The following ADGRL4 variants were observed in gnomAD, a reference collection of about 807,000 sequenced individuals.
The protein encoded by ADGRL4 is adhesion G protein-coupled receptor L4, also known as EGF, latrophilin and seven transmembrane domain containing 1.
A neutral mutation model predicts 74.8 loss-of-function variants in ADGRL4; 90 were observed. The ratio of observed to expected loss-of-function variants is 1.20; its 90% CI spans 1.02 to 1.43. The LOEUF is 1.43. Ranked by LOEUF, ADGRL4 falls within the 40% of genes most tolerant of loss-of-function variation. ADGRL4 has a pLI of 0.00. For synonymous variants in ADGRL4, 311 were observed against 279.2 expected (o/e 1.11, Z -1.14); for missense variants, 881 against 814.3 (o/e 1.08, Z -1.00).
chr1:78,972,521 CTT>C (rs934121678), intron 2 of ADGRL4, among the ~76,000 whole-genome samples: 1 of 152,106 alleles, frequency 6.6e-6, no homozygotes, highest in African/African-American at 2.4e-5. Flanking sequence ...TGTAACAACT[CTT>C]TATAATTTAA....
rs1649004337 is a variant in ADGRL4, at chr1:78,921,718, C to A, written c.1152G>T (p.Trp384Cys). The A allele has an allele frequency of 6.2e-7, 1 of 1,603,574 alleles. No homozygotes were observed. Among genetic ancestry groups the A allele is most frequent in the Admixed American group, 1.7e-5 (1 of 58,584 alleles). Residue 384 changes from tryptophan to cysteine, a missense_variant, in exon 9 of 15, where the codon TGG (tryptophan) becomes TGT (cysteine). By Grantham distance (215) the Trp-to-Cys change is radical (BLOSUM62 -2). Coordinates refer to ENST00000370742, the MANE Select transcript of ADGRL4 (RefSeq NM_022159.4). ...NYSPDTMNGS[W>C]SSEGCELTYS... ...ATGTCAGCTCACAGCCCTCTGAAGA[C>A]CAGCTGCCATTCATGGTATCAGGTG...
At chr1:78,989,624 G>A (rs1338475748) in intron 2 of ADGRL4, among the ~76,000 whole-genome samples, 2 of 151,756 alleles carry the variant, frequency 1.3e-5, no homozygotes, top group African/African-American at 2.4e-5. Flanking sequence ...AAAAGCAGAA[G>A]AGCATCTTGT....
intron 2 of ADGRL4, among the ~76,000 whole-genome samples, chr1:78,948,700 A>G (rs1649662993): frequency 6.6e-6 from 1 of 152,146 alleles, no homozygotes; most frequent in Admixed American, 6.6e-5. Context: ...GTAGATATGT[A>G]TGTCTATGAA....
Position 78,946,307 on chromosome 1 carries a change from T to C in ADGRL4, c.292A>G (p.Arg98Gly). The change falls in exon 3 of 15, where the codon AGG becomes GGG. Residue 98 changes from arginine (R) to glycine (G), a missense_variant. Transcript: ENST00000370742. ...ACGGTTCCATCATTAGTGATAAACC[T>C]GTCTTGGTTACTGCTGGATCTGAAG... ...PGFRSSSNQD[R>G]FITNDGTVCI... 2 of 1,612,988 alleles carry C rather than the reference T, an allele frequency of 1.2e-6. No homozygotes were observed. Among genetic ancestry groups the C allele is most frequent in the Non-Finnish European group, 1.7e-6 (2 of 1,179,470 alleles).
Position 78,965,630 on chromosome 1 carries a change from C to G in ADGRL4, c.173-19204G>C, listed in dbSNP as rs146779542. 4.6e-5 allele frequency among the ~76,000 whole-genome samples: 7 copies of G among 152,266 alleles called. No individual in the cohort carries two copies. In the East Asian group the frequency reaches 7.7e-4, roughly 17 times the overall value. On this transcript the variant is annotated intron_variant, in intron 2 of 14. Transcript: ENST00000370742. ...CAAGAGATTGTAAGTGTTAAACTCT[C>G]CTGTATCCATTTTTACCAATCTTTT...
chr1:78,975,966 T>A (rs971521170), intron 2 of ADGRL4, among the ~76,000 whole-genome samples: 1 of 151,886 alleles, frequency 6.6e-6, no homozygotes, highest in Non-Finnish European at 1.5e-5. Context: ...ACAACAGTCA[T>A]CAAAAAACAG....
chr1:78,961,883 CTT>C (rs775816289), intron 2 of ADGRL4, among the ~76,000 whole-genome samples: 35 of 138,452 alleles, frequency 2.5e-4, no homozygotes, highest in Non-Finnish European at 2.5e-4. Context: ...GGCTATAATT[CTT>C]TTTTTTTTTT....
chr1:78,924,179 G>A (rs1570231562), intron 8 of ADGRL4, among the ~76,000 whole-genome samples: 1 of 151,906 alleles, frequency 6.6e-6, no homozygotes, highest in Non-Finnish European at 1.5e-5. Context: ...AAAGACATAT[G>A]AACGAGATCT....
chr1:79,004,970 G>A lies in ADGRL4; in HGVS notation c.172+100C>T, dbSNP rs12076239. 8.3e-4 allele frequency: 956 copies of A among 1,148,930 alleles called. 10 individuals are homozygous for A. In the East Asian group the frequency reaches 0.017, roughly 21 times the overall value. 71.2% of individuals were successfully genotyped at this position (1,148,930 alleles called of 1,614,324 possible). A position where few individuals can be genotyped will look rare whatever the true frequency, so the allele number is the denominator to read the frequency against. On this transcript the variant is annotated intron_variant, in intron 2 of 14. Transcript: ENST00000370742. ...TTTTTAAATAGTATGAAATTAAACAGTATAACACAAAACAAGTTAGTTTCT... is the reference window on the plus strand; with the variant it reads ...TTTTTAAATAGTATGAAATTAAACAATATAACACAAAACAAGTTAGTTTCT...
intron 12 of ADGRL4, among the ~76,000 whole-genome samples, chr1:78,916,233 C>G (rs1648870145): frequency 6.6e-6 from 1 of 151,794 alleles, no homozygotes; most frequent in African/African-American, 2.4e-5. Flanking sequence ...AAGTATGCTC[C>G]TGTTTTTGTT....
intron 2 of ADGRL4, among the ~76,000 whole-genome samples, chr1:78,974,981 G>A (rs894445215): frequency 1.3e-5 from 2 of 152,096 alleles, no homozygotes; most frequent in South Asian, 4.1e-4. Flanking sequence ...TCTTTAGGGG[G>A]CCATTATTCT....
intron 2 of ADGRL4, among the ~76,000 whole-genome samples, chr1:78,979,345 G>C (rs1196361903): frequency 6.6e-6 from 1 of 151,796 alleles, no homozygotes; most frequent in Non-Finnish European, 1.5e-5. Context: ...ACATGACCAC[G>C]TTCTTCTTCT....
At chr1:78,982,668 G>C (rs1283255063) in intron 2 of ADGRL4, among the ~76,000 whole-genome samples, 1 of 151,798 alleles carries the variant, frequency 6.6e-6, no homozygotes, top group African/African-American at 2.4e-5. Flanking sequence ...AGAAATGCTA[G>C]ATAAAATATG....
intron 12 of ADGRL4, among the ~76,000 whole-genome samples, chr1:78,894,850 C>T (rs1648361314): frequency 6.6e-6 from 1 of 151,846 alleles, no homozygotes; most frequent in Admixed American, 6.6e-5. Context: ...CACAAGTTTT[C>T]CACATAAATA....
chr1:78,918,185 C>T (rs1648920615), intron 10 of ADGRL4, 135 bp from the exon 11 acceptor site: 1 of 649,134 alleles, frequency 1.5e-6, no homozygotes. Flanking sequence ...AATGATTAGT[C>T]ATATTAAAAT....
At chr1:78,938,856 T>C (rs1301389876) in intron 4 of ADGRL4, among the ~76,000 whole-genome samples, 1 of 152,124 alleles carries the variant, frequency 6.6e-6, no homozygotes, top group African/African-American at 2.4e-5. Context: ...CATTCAATTA[T>C]GTCTACTTAG....
At chr1:78,909,839 A>C in intron 12 of ADGRL4, among the ~76,000 whole-genome samples, 1 of 151,912 alleles carries the variant, frequency 6.6e-6, no homozygotes, top group East Asian at 1.9e-4. Flanking sequence ...ATATTGGAAT[A>C]AAGATTCTCT....
In ADGRL4 at chr1:78,937,860, A is replaced by G; in HGVS notation, c.707T>C (p.Ile236Thr). 1 of 1,613,948 alleles carries G rather than the reference A, an allele frequency of 6.2e-7. No individual in the cohort carries two copies. The highest frequency in any genetic ancestry group is 8.5e-7 in the Non-Finnish European group (1 of 1,179,918). Residue 236 changes from isoleucine to threonine, a missense_variant, in exon 6 of 15, where the codon ATA (isoleucine) becomes ACA (threonine). Physicochemically the swap from Ile to Thr is moderately conservative, Grantham distance 89. Transcript: ENST00000370742. ...TGTGGTCTTTTGGAAGCTCTGGGAT[A>G]TCCTTAAAGTAGCTTGTTCAACAGT... ...MHTVEQATLR[I>T]SQSFQKTTEF...
Position 78,891,686 on chromosome 1 carries a change from A to G in ADGRL4, c.1848T>C (p.Cys616=). Residue 616 remains cysteine, a synonymous_variant, in exon 14 of 15, where the codon TGT becomes TGC. Coordinates refer to ENST00000370742, the MANE Select transcript of ADGRL4 (RefSeq NM_022159.4). ...EVSCFENIRS[C]ARGALALLFL... Reference sequence around the variant, plus strand: ...ACAGAAGAGCGAGGGCTCCTCTTGCACAAGACCTATCACATATGAGAAATG... The same window carrying G: ...ACAGAAGAGCGAGGGCTCCTCTTGCGCAAGACCTATCACATATGAGAAATG... 1.9e-6 allele frequency: 3 copies of G among 1,610,274 alleles called. No individual in the cohort carries two copies. The highest frequency in any genetic ancestry group is 2.5e-6 in the Non-Finnish European group (3 of 1,178,716).
Sources: allele counts gnomAD v4.1 joint callset (sites outside exome capture counted in the v4.1 genomes callset), GRCh38; gene constraint gnomAD v4.1.1; transcripts MANE v1.5; gene names NCBI Gene and HGNC (gene_info 2026-07-23, HGNC 2026-07-21).